LHFPL6: variants seen among roughly 807,000 people sequenced by gnomAD.
The protein encoded by LHFPL6 is LHFPL tetraspan subfamily member 6.
LHFPL6 carries 9 observed loss-of-function variants against 20.6 expected under a neutral mutation model. The observed-to-expected ratio is 0.44, with a 90% CI of 0.26 to 0.76. The LOEUF is 0.76. Ranked by LOEUF, LHFPL6 falls within the 30% of genes least tolerant of loss-of-function variation. The pLI is 0.20. For synonymous variants in LHFPL6, 105 were observed against 98.7 expected (o/e 1.06, Z -0.38); for missense variants, 218 against 253.5 (o/e 0.86, Z 0.95).
intron 2 of LHFPL6, among the ~76,000 whole-genome samples, chr13:39,462,095 A>G (rs1427504963): frequency 1.3e-5 from 2 of 152,154 alleles, no homozygotes; most frequent in Admixed American, 1.3e-4. Context: ...GACAGGTTCC[A>G]GTCTCCTCTC....
intron 2 of LHFPL6, among the ~76,000 whole-genome samples, chr13:39,423,992 C>A (rs1871565767): frequency 6.6e-6 from 1 of 152,028 alleles, no homozygotes; most frequent in Admixed American, 6.6e-5. Flanking sequence ...GTGGCAGGAG[C>A]TACAGTAAAG....
At chr13:39,401,145 A>C (rs1870980200) in intron 2 of LHFPL6, among the ~76,000 whole-genome samples, 1 of 152,224 alleles carries the variant, frequency 6.6e-6, no homozygotes. Context: ...GTCTAAGTTC[A>C]ACAATTACAT....
chr13:39,538,466 C>T (rs570624395), intron 2 of LHFPL6, among the ~76,000 whole-genome samples: 79 of 145,922 alleles, frequency 5.4e-4, no homozygotes, highest in Non-Finnish European at 1.0e-3. Flanking sequence ...TAAGTAAATC[C>T]GGGTCAGAGA....
intron 2 of LHFPL6, among the ~76,000 whole-genome samples, chr13:39,528,750 A>G (rs994852200): frequency 2.0e-5 from 3 of 152,348 alleles, no homozygotes; most frequent in Non-Finnish European, 4.4e-5. Context: ...CAAGCTTAAA[A>G]TAAAACCATG....
intron 2 of LHFPL6, among the ~76,000 whole-genome samples, chr13:39,497,651 C>T (rs964575642): frequency 1.3e-5 from 2 of 152,256 alleles, no homozygotes. Flanking sequence ...AATATGTGTA[C>T]AGGAGTCAAT....
In LHFPL6 at chr13:39,562,629, CATAT is replaced by C. The variant is rs57317797; in HGVS notation, c.385+38199_385+38202del. On this transcript the variant is annotated intron_variant, in intron 2 of 3. Coordinates refer to ENST00000379589, the MANE Select transcript of LHFPL6 (RefSeq NM_005780.3). The stretch of plus-strand genomic sequence containing the variant: ...ATACATATATACACATATATACACA[CATAT>C]ATATACACATATATACACACATATA... Among the ~76,000 whole-genome samples the C allele has an allele frequency of 4.1e-3, 472 of 115,488 alleles. 3 individuals carry two copies. The highest frequency in any genetic ancestry group is 0.011 in the African/African-American group (404 of 36,202). 75.8% of individuals were successfully genotyped at this position (115,488 alleles called of 152,430 possible).
At chr13:39,434,124 C>G (rs141388662) in intron 2 of LHFPL6, among the ~76,000 whole-genome samples, 151 of 152,276 alleles carry the variant, frequency 9.9e-4, no homozygotes, top group African/African-American at 3.4e-3. Flanking sequence ...AGATAAGAGA[C>G]CTCTTGGCCC....
chr13:39,574,230 C>T (rs909450334), intron 2 of LHFPL6, among the ~76,000 whole-genome samples: 4 of 152,144 alleles, frequency 2.6e-5, no homozygotes, highest in Admixed American at 2.0e-4. Flanking sequence ...CGCCTGTAAT[C>T]CCAGCACTTT....
intron 2 of LHFPL6, among the ~76,000 whole-genome samples, chr13:39,394,799 T>A (rs1870802935): frequency 1.3e-5 from 2 of 152,146 alleles, no homozygotes; most frequent in South Asian, 4.1e-4. Flanking sequence ...TCAAAGAGAT[T>A]AGGTGGCATG....
At chr13:39,520,127 C>T (rs1361681959) in intron 2 of LHFPL6, among the ~76,000 whole-genome samples, 2 of 152,186 alleles carry the variant, frequency 1.3e-5, no homozygotes, top group Non-Finnish European at 2.9e-5. Flanking sequence ...TCTGAATCAA[C>T]ACCTTTTGTC....
intron 2 of LHFPL6, among the ~76,000 whole-genome samples, chr13:39,545,677 A>T (rs942260329): frequency 3.9e-5 from 6 of 152,128 alleles, no homozygotes; most frequent in African/African-American, 1.5e-4. Context: ...TACCCTACAT[A>T]CATCCTCTTG....
At chr13:39,344,382 C>G (rs997416645) in intron 3 of LHFPL6, among the ~76,000 whole-genome samples, 3 of 152,150 alleles carry the variant, frequency 2.0e-5, no homozygotes, top group Admixed American at 2.0e-4. Flanking sequence ...TAACTTACAT[C>G]ACCCAAGCTC....
At chr13:39,478,069 T>A (rs1022116248) in intron 2 of LHFPL6, among the ~76,000 whole-genome samples, 2 of 152,190 alleles carry the variant, frequency 1.3e-5, no homozygotes, top group African/African-American at 2.4e-5. Flanking sequence ...ATCAAGACAG[T>A]CCTCTCATTT....
At chr13:39,484,468 A>G (rs894979933) in intron 2 of LHFPL6, among the ~76,000 whole-genome samples, 1 of 152,172 alleles carries the variant, frequency 6.6e-6, no homozygotes. Context: ...TGATTTGTAA[A>G]CAGTGTGAAT....
chr13:39,363,466 C>A (rs1869930921), intron 3 of LHFPL6, among the ~76,000 whole-genome samples: 2 of 152,134 alleles, frequency 1.3e-5, no homozygotes, highest in Non-Finnish European at 2.9e-5. Flanking sequence ...TCAAAAGCAA[C>A]CACGGTCACC....
At chr13:39,471,196 A>G (rs146323943) in intron 2 of LHFPL6, among the ~76,000 whole-genome samples, 3 of 152,338 alleles carry the variant, frequency 2.0e-5, no homozygotes, top group African/African-American at 7.2e-5. Flanking sequence ...CCTGCACTGA[A>G]TATAGAAAGA....
At chr13:39,387,112 C>G (rs766501062) in intron 2 of LHFPL6, among the ~76,000 whole-genome samples, 6 of 152,168 alleles carry the variant, frequency 3.9e-5, no homozygotes, top group Non-Finnish European at 7.3e-5. Context: ...GCCAGACACT[C>G]TATGTTTACT....
chr13:39,504,830 C>T (rs1208286192), intron 2 of LHFPL6, among the ~76,000 whole-genome samples: 3 of 152,188 alleles, frequency 2.0e-5, no homozygotes, highest in Non-Finnish European at 4.4e-5. Context: ...GCATATTCCC[C>T]TACATCTTTG....
intron 2 of LHFPL6, among the ~76,000 whole-genome samples, chr13:39,509,564 T>C (rs1193203319): frequency 6.6e-6 from 1 of 152,216 alleles, no homozygotes; most frequent in Non-Finnish European, 1.5e-5. Flanking sequence ...TTATATTTCT[T>C]TTAAAAAATT....
Sources: allele counts gnomAD v4.1 joint callset (sites outside exome capture counted in the v4.1 genomes callset), GRCh38; gene constraint gnomAD v4.1.1; transcripts MANE v1.5; gene names NCBI Gene and HGNC (gene_info 2026-07-23, HGNC 2026-07-21).